TBC1D26: variants seen among roughly 807,000 people sequenced by gnomAD.
The protein encoded by TBC1D26 is TBC1 domain family, member 26.
Under a neutral mutation model 42.5 loss-of-function variants are expected in TBC1D26, and 19 were observed. That is an observed-to-expected ratio of 0.45 (90% CI 0.31 to 0.66). The LOEUF (loss-of-function observed/expected upper bound fraction) is 0.66, where lower values mean the gene tolerates loss of function less well. Among genes scored for constraint, TBC1D26 ranks in the 30% least tolerant of loss-of-function variants. TBC1D26 has a pLI of 0.06. For missense variants in TBC1D26, 228 were observed against 332.6 expected (o/e 0.69, Z 2.45); for synonymous variants, 97 against 123.5 (o/e 0.79, Z 1.42).
chr17:15,740,069 A>G (rs112042993), intron 8 of TBC1D26, 31 bp from the exon 9 acceptor site: 1 of 1,363,104 alleles, frequency 7.3e-7, no homozygotes, highest in Non-Finnish European at 9.8e-7. Context: ...CACACACACA[A>G]AAAAAAAACC....
At chr17:15,740,753 A>G (rs1967754877) in intron 9 of TBC1D26, 2 of 1,047,720 alleles carry the variant, frequency 1.9e-6, no homozygotes, top group African/African-American at 1.7e-5. Flanking sequence ...TGTGGTGGTC[A>G]GCGCCCCGCT....
chr17:15,743,531 C>A lies in TBC1D26; in HGVS notation c.1057+15C>A. 1 of 988,472 alleles carries A rather than the reference C, an allele frequency of 1.0e-6. No homozygotes were observed. The highest frequency in any genetic ancestry group is 1.2e-6 in the Non-Finnish European group (1 of 824,180). 61.2% of individuals were successfully genotyped at this position (988,472 alleles called of 1,614,324 possible). A position where few individuals can be genotyped will look rare whatever the true frequency, so the allele number is the denominator to read the frequency against. On this transcript the variant is annotated intron_variant, in intron 14 of 14. Transcript: ENST00000437605. ...GCCACCCCCAGGTGGGCTCTAGCACCAGGTACCCTCTGGAGTCACCCTCTG... is the reference window on the plus strand; with the variant it reads ...GCCACCCCCAGGTGGGCTCTAGCACAAGGTACCCTCTGGAGTCACCCTCTG...
chr17:15,743,603 C>T (rs1430958883), intron 14 of TBC1D26, 87 bp downstream of exon 14: 4 of 376,746 alleles, frequency 1.1e-5, no homozygotes, highest in Non-Finnish European at 1.5e-5. Flanking sequence ...GCCCTCCTAC[C>T]TGGTCTTCCT....
In TBC1D26 at chr17:15,741,201, C is replaced by A; in HGVS notation, c.626C>A (p.Ala209Glu). 1 of 1,613,740 alleles carries A rather than the reference C, an allele frequency of 6.2e-7. No homozygotes were observed. The highest frequency in any genetic ancestry group is 8.5e-7 in the Non-Finnish European group (1 of 1,179,980). ...CTGCCAGAGGAAGATGCTTTCTGGG[C>A]GCTTACCCAGTTGCTCGCTGGTGAG... ...LCLPEEDAFWALTQLLAVFYS... is the reference protein window; with the variant it reads ...LCLPEEDAFWELTQLLAVFYS... The change falls in exon 10 of 15, where the codon GCG becomes GAG. Residue 209 changes from alanine (A) to glutamate (E), a missense_variant. By Grantham distance (107) the Ala-to-Glu change is moderately radical. Around this residue, in one of 5 missense-constraint regions of TBC1D26, gnomAD observed 130 missense variants for 168.5 expected, o/e 0.77. Coordinates refer to ENST00000437605, the MANE Select transcript of TBC1D26 (RefSeq NM_001388465.1).
At chr17:15,733,256 C>CA (rs2151496021) in intron 1 of TBC1D26, among the ~76,000 whole-genome samples, 1 of 151,918 alleles carries the variant, frequency 6.6e-6, no homozygotes, top group African/African-American at 2.4e-5. Flanking sequence ...GGGGCCTGGC[C>CA]AGATGGTTGC....
At chr17:15,741,257 C>G in intron 10 of TBC1D26, 36 bp downstream of exon 10, 1 of 1,611,844 alleles carries the variant, frequency 6.2e-7, no homozygotes, top group Non-Finnish European at 8.5e-7. Context: ...TGGACAGCTG[C>G]CCCCGGGGCC....
intron 9 of TBC1D26, 63 bp downstream of exon 9, chr17:15,740,211 T>A (rs749546577): frequency 5.0e-6 from 8 of 1,613,836 alleles, no homozygotes; most frequent in Non-Finnish European, 4.2e-6. Flanking sequence ...CATGGGTGTC[T>A]CTTGGGGGTG....
At chr17:15,737,119 G>C (rs1967636095) in intron 4 of TBC1D26, among the ~76,000 whole-genome samples, 1 of 152,044 alleles carries the variant, frequency 6.6e-6, no homozygotes, top group African/African-American at 2.4e-5. Flanking sequence ...ACTGCTGTTA[G>C]TCAGGGCTTG....
At chr17:15,738,247 T>G in intron 6 of TBC1D26, 33 bp from the exon 7 acceptor site, 3 of 1,613,258 alleles carry the variant, frequency 1.9e-6, no homozygotes, top group Non-Finnish European at 2.5e-6. Flanking sequence ...TCGCCCCATG[T>G]CCTTTCTCAC....
rs1967870237 is a variant in TBC1D26, at chr17:15,744,668, C to CATAGGAAATATGTT, written c.*84_*85insTATGTTATAGGAAA. On this transcript the variant is annotated 3_prime_UTR_variant, in exon 15 of 15. Transcript: ENST00000437605. ...AGAAGAAAATGTAGCTTTATTATAA[C>CATAGGAAATATGTT]ATAGGAAAGACTGCAAGTTATTACG... The CATAGGAAATATGTT allele has an allele frequency of 1.3e-5, 2 of 152,122 alleles. No individual in the cohort carries two copies. Among genetic ancestry groups the CATAGGAAATATGTT allele is most frequent in the South Asian group, 4.1e-4 (2 of 4,832 alleles). 9.4% of individuals were successfully genotyped at this position (152,122 alleles called of 1,614,324 possible).
chr17:15,743,269 A>C, intron 13 of TBC1D26, 98 bp from the exon 14 acceptor site: 1 of 621,812 alleles, frequency 1.6e-6, no homozygotes, highest in Non-Finnish European at 2.0e-6. Context: ...AAAAAGGACC[A>C]GACACCACCC....
intron 11 of TBC1D26, 103 bp from the exon 12 acceptor site, chr17:15,742,311 C>T (rs767183405): frequency 4.3e-5 from 21 of 483,388 alleles, no homozygotes; most frequent in Non-Finnish European, 5.6e-5. Flanking sequence ...CCCTGGCCAC[C>T]GCCCTGGGTT....
intron 5 of TBC1D26, 39 bp downstream of exon 5, chr17:15,737,562 G>T (rs2151499299): frequency 6.2e-7 from 1 of 1,606,756 alleles, no homozygotes; most frequent in East Asian, 2.2e-5. Flanking sequence ...GCTGCTTCAG[G>T]GACTGGGAAT....
rs1475085447 is a variant in TBC1D26 at position 15,735,045 on chromosome 17, G to A, written c.-27G>A. 17 of 458,116 alleles carry A rather than the reference G, an allele frequency of 3.7e-5. No homozygotes were observed. Among genetic ancestry groups the A allele is most frequent in the Non-Finnish European group, 5.9e-5 (15 of 255,920 alleles). The allele number at this position is 458,116 out of a possible 1,614,324, so 28.4% of individuals were successfully genotyped here. On this transcript the variant is annotated 5_prime_UTR_variant, in exon 2 of 15. Coordinates refer to ENST00000437605, the MANE Select transcript of TBC1D26 (RefSeq NM_001388465.1). ...CGTGGGGACTTCACCCTCAGCAAGTGGACGCCGTTTGTCCTGCCAGGGCAG... is the reference window on the plus strand; with the variant it reads ...CGTGGGGACTTCACCCTCAGCAAGTAGACGCCGTTTGTCCTGCCAGGGCAG...
In TBC1D26 at chr17:15,738,347, A is replaced by C; in HGVS notation, c.347A>C (p.Asp116Ala). The C allele has an allele frequency of 6.2e-7, 1 of 1,613,704 alleles. No homozygotes were observed. Among genetic ancestry groups the C allele is most frequent in the Non-Finnish European group, 8.5e-7 (1 of 1,180,016 alleles). ...GGCCGGGCGTGGTCACTTTTGCTAG[A>C]TATTGACAGAATCAAGTCCCAGAAC... ...VRGRAWSLLL[D>A]IDRIKSQNPG... Residue 116 changes from aspartate to alanine, a missense_variant, in exon 7 of 15, where the codon GAT becomes GCT. Asp to Ala is a moderately radical substitution (Grantham distance 126). Around this residue, in one of 5 missense-constraint regions of TBC1D26, gnomAD observed 72 missense variants for 90.1 expected, o/e 0.80. Transcript: ENST00000437605.
At chr17:15,733,230 AG>A (rs1285450012) in intron 1 of TBC1D26, among the ~76,000 whole-genome samples, 17 of 151,724 alleles carry the variant, frequency 1.1e-4, no homozygotes, top group African/African-American at 3.9e-4. Flanking sequence ...CCTGGCCGGC[AG>A]GGGTCTGGTT....
At chr17:15,739,708 A>G (rs1208873791) in intron 8 of TBC1D26, among the ~76,000 whole-genome samples, 1 of 152,288 alleles carries the variant, frequency 6.6e-6, no homozygotes, top group Non-Finnish European at 1.5e-5. Flanking sequence ...TGCAAAGGGG[A>G]CGTGCTGGGG....
rs1967813839 is a variant in TBC1D26 at position 15,742,406 on chromosome 17, C to T, written c.742-8C>T. Reference sequence around the variant, plus strand: ...GGGGGCCCTGAGCACGTGTGCTCCTCCCTTCAGGGCAAGGAAGGGCTGTGC... The same window carrying T: ...GGGGGCCCTGAGCACGTGTGCTCCTTCCTTCAGGGCAAGGAAGGGCTGTGC... On this transcript the variant is annotated splice_polypyrimidine_tract_variant and splice_region_variant and intron_variant, in intron 11 of 14. Coordinates refer to ENST00000437605, the MANE Select transcript of TBC1D26 (RefSeq NM_001388465.1). 1.2e-5 allele frequency: 4 copies of T among 336,778 alleles called. No individual in the cohort carries two copies. Among genetic ancestry groups the T allele is most frequent in the Non-Finnish European group, 2.2e-5 (4 of 178,018 alleles). 20.9% of individuals were successfully genotyped at this position (336,778 alleles called of 1,614,324 possible).
At chr17:15,742,231 C>T (rs1408777541) in intron 11 of TBC1D26, among the ~76,000 whole-genome samples, 183 bp from the exon 12 acceptor site, 5 of 152,142 alleles carry the variant, frequency 3.3e-5, no homozygotes, top group South Asian at 2.1e-4. Context: ...GGACCAGGGC[C>T]GAGCTGCAGC....
Sources: gnomAD v4.1 joint callset for allele counts (sites outside exome capture counted in the v4.1 genomes callset) on GRCh38, gnomAD v4.1.1 for gene constraint, gnomAD v4.1.1 regional missense constraint, MANE v1.5 for transcripts, NCBI Gene and HGNC (gene_info 2026-07-23, HGNC 2026-07-21) for gene names.